The following MACROD2 variants were observed in gnomAD, a reference collection of about 807,000 sequenced individuals.
MACROD2 encodes mono-ADP ribosylhydrolase 2.
A neutral mutation model predicts 70.4 loss-of-function variants in MACROD2; 36 were observed. The observed-to-expected ratio is 0.51, with a 90% CI of 0.39 to 0.68. The LOEUF (loss-of-function observed/expected upper bound fraction) is 0.68. MACROD2 is among the 30% of genes least tolerant of loss of function. MACROD2 has a pLI of 0.00. For synonymous variants in MACROD2, 172 were observed against 178.8 expected, an observed-to-expected ratio of 0.96 and a Z score of 0.30; for missense variants, 496 against 538.4, an observed-to-expected ratio of 0.92 and a Z score of 0.78.
chr20:15,709,770 A>G (rs992527731), intron 8 of MACROD2, among the ~76,000 whole-genome samples: 2 of 152,246 alleles, frequency 1.3e-5, no homozygotes, highest in Non-Finnish European at 2.9e-5. Flanking sequence ...CATATTTATC[A>G]CCTCAAATAT....
intron 8 of MACROD2, among the ~76,000 whole-genome samples, chr20:15,648,138 A>C (rs1250631308): frequency 1.3e-5 from 2 of 152,226 alleles, no homozygotes; most frequent in South Asian, 2.1e-4. Flanking sequence ...AGGGAAGTGC[A>C]CTGAGGAGAT....
chr20:14,035,785 A>G (rs1171766273), intron 2 of MACROD2, among the ~76,000 whole-genome samples: 1 of 152,190 alleles, frequency 6.6e-6, no homozygotes, highest in Non-Finnish European at 1.5e-5. Context: ...AGAGAAATGG[A>G]GGGGTAAAGT....
At chr20:14,612,319 A>G (rs547541885) in intron 4 of MACROD2, among the ~76,000 whole-genome samples, 63 of 152,286 alleles carry the variant, frequency 4.1e-4, no homozygotes, top group African/African-American at 1.4e-3. Flanking sequence ...GAAACTCTTT[A>G]AGCTTGGCCA....
At chr20:14,808,272 T>C (rs1319827839) in intron 5 of MACROD2, among the ~76,000 whole-genome samples, 2 of 151,690 alleles carry the variant, frequency 1.3e-5, no homozygotes, top group Admixed American at 6.6e-5. Context: ...AGAGTGGGGG[T>C]TGATATTCAA....
chr20:14,826,885 A>G (rs888106324), intron 5 of MACROD2, among the ~76,000 whole-genome samples: 4 of 152,150 alleles, frequency 2.6e-5, no homozygotes, highest in Non-Finnish European at 5.9e-5. Flanking sequence ...TTCAGCAGAC[A>G]GCCTAAATGC....
intron 8 of MACROD2, among the ~76,000 whole-genome samples, chr20:15,824,109 A>G (rs2063970693): frequency 6.6e-6 from 1 of 152,172 alleles, no homozygotes; most frequent in African/African-American, 2.4e-5. Flanking sequence ...GCTGTCAGTG[A>G]TGGACTTGAA....
At chr20:14,028,363 G>C (rs935672670) in intron 2 of MACROD2, among the ~76,000 whole-genome samples, 2 of 152,138 alleles carry the variant, frequency 1.3e-5, no homozygotes, top group African/African-American at 4.8e-5. Context: ...TGGACCCCGT[G>C]GGGGTGGGAT....
intron 5 of MACROD2, among the ~76,000 whole-genome samples, chr20:14,842,862 C>A (rs948068228): frequency 6.6e-6 from 1 of 152,040 alleles, no homozygotes; most frequent in Non-Finnish European, 1.5e-5. Flanking sequence ...AAAATGAACT[C>A]TAGGAGTCAT....
chr20:14,278,402 G>C (rs1189609581), intron 3 of MACROD2, among the ~76,000 whole-genome samples: 3 of 152,120 alleles, frequency 2.0e-5, no homozygotes, highest in Non-Finnish European at 2.9e-5. Context: ...TAGTGGACAA[G>C]TGACCATAAT....
intron 5 of MACROD2, chr20:14,893,863 T>C (rs1236238510): frequency 1.3e-5 from 2 of 151,992 alleles, no homozygotes; most frequent in African/African-American, 4.8e-5. Context: ...CAGCTCTCTA[T>C]AGCCTTGACC....
chr20:14,134,811 A>AG (rs1051683028), intron 3 of MACROD2, among the ~76,000 whole-genome samples: 29 of 149,924 alleles, frequency 1.9e-4, no homozygotes, highest in African/African-American at 7.3e-4. Context: ...CAAAAAAAAA[A>AG]AAAAAAAAAA....
At chr20:15,729,763 A>C (rs938789918) in intron 8 of MACROD2, among the ~76,000 whole-genome samples, 41 of 139,388 alleles carry the variant, frequency 2.9e-4, no homozygotes, top group African/African-American at 1.1e-3. Context: ...CCATCCCTTT[A>C]CTTTGAGCCT....
intron 5 of MACROD2, among the ~76,000 whole-genome samples, chr20:14,983,824 T>C (rs2122847239): frequency 6.6e-6 from 1 of 152,306 alleles, no homozygotes; most frequent in East Asian, 1.9e-4. Flanking sequence ...GGTCCTCCAA[T>C]AATGGTAAGT....
intron 3 of MACROD2, among the ~76,000 whole-genome samples, chr20:14,213,382 A>AAAAAG (rs71920874): frequency 6.7e-6 from 1 of 148,994 alleles, no homozygotes; most frequent in Non-Finnish European, 1.5e-5. Context: ...AAAAAAAAAA[A>AAAAAG]AAAAGGCCAA....
At chr20:15,911,838 A>G (rs768319840) in intron 10 of MACROD2, among the ~76,000 whole-genome samples, 2 of 152,312 alleles carry the variant, frequency 1.3e-5, no homozygotes, top group South Asian at 2.1e-4. Context: ...GCAATGTGGA[A>G]TTCAACTTTT....
At chr20:14,873,057 T>A (rs2073507876) in intron 5 of MACROD2, among the ~76,000 whole-genome samples, 1 of 150,456 alleles carries the variant, frequency 6.6e-6, no homozygotes. Flanking sequence ...ACATGAAGAA[T>A]ATGGAGATTA....
chr20:14,854,020 G>A (rs1420963494), intron 5 of MACROD2, among the ~76,000 whole-genome samples: 1 of 152,050 alleles, frequency 6.6e-6, no homozygotes, highest in African/African-American at 2.4e-5. Flanking sequence ...GAATCCTGGG[G>A]CAATTAGGTC....
intron 6 of MACROD2, among the ~76,000 whole-genome samples, chr20:15,260,423 G>C (rs1213423284): frequency 6.6e-6 from 1 of 151,256 alleles, no homozygotes; most frequent in Non-Finnish European, 1.5e-5. Context: ...TCACTTAATA[G>C]AATGTCCTCC....
chr20:14,683,117 G>A lies in MACROD2; in HGVS notation c.302-1726G>A, dbSNP rs148951329. Among the ~76,000 whole-genome samples, 490 of 152,194 alleles carry A rather than the reference G, an allele frequency of 3.2e-3. 5 individuals carry two copies. The highest frequency in any genetic ancestry group is 0.011 in the African/African-American group (461 of 41,544). On this transcript the variant is annotated intron_variant, in intron 4 of 17. Transcript: ENST00000684519. ...TGGTCTCGAACATCTGACCTCAGGT[G>A]ATCCGCCCGCCTCAGCCTCCTAAAG... is the stretch of plus-strand genomic sequence containing the variant.
Sources: gnomAD v4.1 joint callset for allele counts (sites outside exome capture counted in the v4.1 genomes callset) on GRCh38, gnomAD v4.1.1 for gene constraint, MANE v1.5 for transcripts, NCBI Gene and HGNC (gene_info 2026-07-23, HGNC 2026-07-21) for gene names.